Variants in HDAC8 observed in about 807,000 individuals in gnomAD.
HDAC8 encodes the protein histone deacetylase-like 1.
Under a neutral mutation model 32.2 loss-of-function variants are expected in HDAC8, and 1 was observed. The observed-to-expected ratio is 0.03, with a 90% confidence interval of 0.01 to 0.15. HDAC8 has a LOEUF of 0.15. Among genes scored for constraint, HDAC8 ranks in the 10% least tolerant of loss-of-function variants. The pLI is 1.00. For synonymous variants in HDAC8, 108 were observed against 113.9 expected (o/e 0.95, Z 0.33); for missense variants, 117 against 300.0 (o/e 0.39, Z 4.51).
chrX:72,566,812 T>G (rs1429295957), intron 4 of HDAC8, among the ~76,000 whole-genome samples: 3 of 112,063 alleles, frequency 2.7e-5, no homozygotes, highest in African/African-American at 9.7e-5. Context: ...CCAGCAATCC[T>G]TCTCAGACAG....
intron 7 of HDAC8, among the ~76,000 whole-genome samples, chrX:72,488,171 C>T (rs1212771369): frequency 1.8e-5 from 2 of 111,461 alleles, no homozygotes; most frequent in Admixed American, 1.9e-4. Flanking sequence ...TGGGAAGAAC[C>T]TCCACCAGAG....
At chrX:72,408,921 G>A (rs1436990269) in intron 9 of HDAC8, among the ~76,000 whole-genome samples, 1 of 111,303 alleles carries the variant, frequency 9.0e-6, no homozygotes, top group Non-Finnish European at 1.9e-5. Flanking sequence ...CTGATTTTTA[G>A]GGCAGACAAG....
At chrX:72,449,534 C>A (rs2047516639) in intron 9 of HDAC8, among the ~76,000 whole-genome samples, 1 of 110,109 alleles carries the variant, frequency 9.1e-6, no homozygotes, top group Non-Finnish European at 1.9e-5. Context: ...ATGTAACCAA[C>A]CTGCACGTTC....
chrX:72,497,809 AAATTG>A (rs200128384), intron 4 of HDAC8, among the ~76,000 whole-genome samples: 1,224 of 112,082 alleles, frequency 0.011, 14 homozygotes, highest in Non-Finnish European at 0.017. Flanking sequence ...AGCTGATACT[AAATTG>A]AATTAATGAA....
At chrX:72,445,232 C>T (rs1274583140) in intron 9 of HDAC8, among the ~76,000 whole-genome samples, 5 of 110,138 alleles carry the variant, frequency 4.5e-5, no homozygotes, top group Non-Finnish European at 7.6e-5. Context: ...CAAGTCAATC[C>T]TAAGCCAAAA....
chrX:72,480,518 C>T, intron 7 of HDAC8: 1 of 291,960 alleles, frequency 3.4e-6, no homozygotes. Context: ...CAAGGATCTA[C>T]CAGAAATACC....
At chrX:72,572,299 T>G (rs1556161898) in intron 1 of HDAC8, 190 bp from the exon 2 acceptor site, 1 of 440,119 alleles carries the variant, frequency 2.3e-6, no homozygotes, top group Non-Finnish European at 3.7e-6. Context: ...TCAAAATCAC[T>G]AAGGTGAAAG....
intron 9 of HDAC8, chrX:72,376,971 CT>C (rs1245018140): frequency 9.3e-6 from 1 of 106,958 alleles, no homozygotes; most frequent in Non-Finnish European, 1.9e-5. Flanking sequence ...ATTTTTTTTT[CT>C]TATTGGGAGG....
chrX:72,362,161 G>A (rs781918323), intron 9 of HDAC8, among the ~76,000 whole-genome samples: 1 of 111,380 alleles, frequency 9.0e-6, no homozygotes, highest in Non-Finnish European at 1.9e-5. Context: ...GGATGTGTTT[G>A]GGTCATGGGT....
intron 9 of HDAC8, among the ~76,000 whole-genome samples, chrX:72,405,151 C>G: frequency 9.0e-6 from 1 of 111,116 alleles, no homozygotes; most frequent in Non-Finnish European, 1.9e-5. Context: ...CTCTGATAAG[C>G]CCCAGTGTGT....
At chrX:72,527,772 C>CTTTT (rs1157041190) in intron 4 of HDAC8, among the ~76,000 whole-genome samples, 2 of 89,515 alleles carry the variant, frequency 2.2e-5, no homozygotes, top group Non-Finnish European at 2.2e-5. Flanking sequence ...TTTCTGACCT[C>CTTTT]TTTTTTTTTT....
chrX:72,449,157 T>C (rs2047503779), intron 9 of HDAC8, among the ~76,000 whole-genome samples: 1 of 111,871 alleles, frequency 8.9e-6, no homozygotes, highest in Non-Finnish European at 1.9e-5. Context: ...CTATTCACAA[T>C]AGGAAAGTCT....
intron 4 of HDAC8, among the ~76,000 whole-genome samples, chrX:72,534,245 A>G (rs1320433342): frequency 9.2e-6 from 1 of 108,179 alleles, no homozygotes; most frequent in African/African-American, 3.4e-5. Flanking sequence ...AAAATGAAAG[A>G]AAATCCTACT....
intron 9 of HDAC8, among the ~76,000 whole-genome samples, chrX:72,446,591 C>T (rs1280849940): frequency 1.0e-4 from 11 of 110,259 alleles, no homozygotes; most frequent in Non-Finnish European, 1.7e-4. Context: ...TGCTAAATGA[C>T]GAGTTAATGA....
At chrX:72,408,815 A>C (rs190814514) in intron 9 of HDAC8, among the ~76,000 whole-genome samples, 2 of 111,827 alleles carry the variant, frequency 1.8e-5, no homozygotes, top group East Asian at 5.6e-4. Context: ...TTGGGAGAGA[A>C]TAGTAGGAAA....
intron 7 of HDAC8, chrX:72,480,566 A>G (rs2048466395): frequency 4.1e-6 from 1 of 245,740 alleles, no homozygotes; most frequent in Non-Finnish European, 7.6e-6. Context: ...TATATACCCA[A>G]AGGAATATAA....
At chrX:72,432,734 T>C (rs1354948678) in intron 9 of HDAC8, among the ~76,000 whole-genome samples, 1 of 111,016 alleles carries the variant, frequency 9.0e-6, no homozygotes, top group Non-Finnish European at 1.9e-5. Flanking sequence ...TTTTGACTTA[T>C]GTTTTGCGTG....
intron 9 of HDAC8, among the ~76,000 whole-genome samples, chrX:72,433,128 G>C (rs1555978005): frequency 9.0e-6 from 1 of 111,621 alleles, no homozygotes; most frequent in Admixed American, 9.5e-5. Context: ...TGTGATGATT[G>C]TAAGTATATA....
chrX:72,566,313 A>AAAAC (rs782528077), intron 4 of HDAC8, among the ~76,000 whole-genome samples: 15 of 111,825 alleles, frequency 1.3e-4, no homozygotes, highest in African/African-American at 3.6e-4. Context: ...CAAAAAACAA[A>AAAAC]AAACAAACAA....
Sources: gnomAD v4.1 joint callset for allele counts (sites outside exome capture counted in the v4.1 genomes callset) on GRCh38, gnomAD v4.1.1 for gene constraint, MANE v1.5 for transcripts, NCBI Gene and HGNC (gene_info 2026-07-23, HGNC 2026-07-21) for gene names.